The following RYR2 variants were observed in gnomAD, a reference collection of about 807,000 sequenced individuals.
The protein encoded by RYR2 is cardiac muscle ryanodine receptor-calcium release channel.
In RYR2, 227 loss-of-function variants were observed where a neutral mutation model predicts 601.1. That is an observed-to-expected ratio of 0.38 (90% CI 0.34 to 0.42). RYR2 has a LOEUF of 0.42. Ranked by LOEUF, RYR2 falls within the 10% of genes least tolerant of loss-of-function variation. The pLI is 1.00. For missense variants in RYR2, 4,646 were observed against 6,156.5 expected (o/e 0.75, Z 8.21); for synonymous variants, 2,223 against 2,175.1 (o/e 1.02, Z -0.61).
chr1:237,534,138 A>G (rs1253468774), intron 25 of RYR2, among the ~76,000 whole-genome samples: 1 of 152,092 alleles, frequency 6.6e-6, no homozygotes, highest in Admixed American at 6.5e-5. Context: ...AGAATGACAC[A>G]CTAGGCAATA....
chr1:237,077,420 G>A (rs1263199156), intron 1 of RYR2, among the ~76,000 whole-genome samples: 1 of 130,712 alleles, frequency 7.7e-6, no homozygotes, highest in Non-Finnish European at 1.7e-5. Context: ...AAAATAAAAG[G>A]ATGGAGGAAG....
intron 1 of RYR2, among the ~76,000 whole-genome samples, chr1:237,190,205 T>C (rs939038700): frequency 6.6e-6 from 1 of 152,156 alleles, no homozygotes; most frequent in Non-Finnish European, 1.5e-5. Context: ...TTTTCTATAA[T>C]GGCTGCACCA....
chr1:237,054,296 T>TCCCTTCCTC (rs112941855), intron 1 of RYR2, among the ~76,000 whole-genome samples: 1 of 115,078 alleles, frequency 8.7e-6, no homozygotes, highest in Non-Finnish European at 1.8e-5. Flanking sequence ...CCTCCCTTCC[T>TCCCTTCCTC]CCTTCCTCCC....
intron 29 of RYR2, among the ~76,000 whole-genome samples, chr1:237,586,229 A>T (rs1674509358): frequency 6.6e-6 from 1 of 152,160 alleles, no homozygotes; most frequent in Non-Finnish European, 1.5e-5. Context: ...TGCCATATTA[A>T]TTTTATCTCT....
At chr1:237,613,797 A>G (rs1678158328) in intron 36 of RYR2, among the ~76,000 whole-genome samples, 1 of 152,216 alleles carries the variant, frequency 6.6e-6, no homozygotes, top group Non-Finnish European at 1.5e-5. Context: ...TTCACATTTC[A>G]GACTTTCAGA....
intron 1 of RYR2, among the ~76,000 whole-genome samples, chr1:237,174,594 A>G (rs1313853856): frequency 6.6e-6 from 1 of 152,182 alleles, no homozygotes; most frequent in African/African-American, 2.4e-5. Context: ...CAATGGAGTG[A>G]GTGGCCATTG....
At chr1:237,163,687 G>C (rs1413618577) in intron 1 of RYR2, among the ~76,000 whole-genome samples, 3 of 152,182 alleles carry the variant, frequency 2.0e-5, no homozygotes, top group Non-Finnish European at 4.4e-5. Flanking sequence ...AGACGGAAGA[G>C]GGAGTGGAAA....
intron 2 of RYR2, among the ~76,000 whole-genome samples, chr1:237,324,332 G>A (rs575779059): frequency 2.6e-5 from 4 of 152,180 alleles, no homozygotes; most frequent in Admixed American, 1.3e-4. Context: ...TTTATCTTTC[G>A]GAGGACATAG....
At chr1:237,427,075 T>C (rs574158529) in intron 12 of RYR2, among the ~76,000 whole-genome samples, 19 of 152,184 alleles carry the variant, frequency 1.2e-4, no homozygotes, top group African/African-American at 4.3e-4. Context: ...CACTCAAATA[T>C]AATACCATTT....
intron 16 of RYR2, among the ~76,000 whole-genome samples, chr1:237,468,506 T>C (rs916620669): frequency 3.9e-5 from 6 of 152,196 alleles, no homozygotes; most frequent in Non-Finnish European, 7.3e-5. Context: ...TTAATATACA[T>C]TGTGAATCTC....
At chr1:237,520,836 G>A (rs1667014282) in intron 24 of RYR2, among the ~76,000 whole-genome samples, 1 of 152,118 alleles carries the variant, frequency 6.6e-6, no homozygotes, top group Admixed American at 6.5e-5. Context: ...AGGAGTTCCA[G>A]ACCAGCCTGG....
chr1:237,174,035 C>A (rs185378821), intron 1 of RYR2, among the ~76,000 whole-genome samples: 1 of 147,804 alleles, frequency 6.8e-6, no homozygotes, highest in Non-Finnish European at 1.5e-5. Flanking sequence ...CCAGCCTGGG[C>A]GACAGGGCAA....
chr1:237,352,575 T>G (rs1040330763), intron 3 of RYR2, among the ~76,000 whole-genome samples: 1 of 152,106 alleles, frequency 6.6e-6, no homozygotes, highest in Admixed American at 6.6e-5. Flanking sequence ...CAGGTTTTCT[T>G]TTAGTGTGCA....
Position 237,301,142 on chromosome 1 carries a change from C to A in RYR2, c.169-29736C>A, listed in dbSNP as rs150984376. Among the ~76,000 whole-genome samples, 359 of 152,082 alleles carry A rather than the reference C, an allele frequency of 2.4e-3. 4 individuals are homozygous for A. The highest frequency in any genetic ancestry group is 8.4e-3 in the African/African-American group (347 of 41,482). ...ATCTTTAAATACTGATAAATTGAAT[C>A]CAATAGTTAATTAACAGACTTTAAA... On this transcript the variant is annotated intron_variant, in intron 2 of 104. Transcript: ENST00000366574.
At chr1:237,638,526 T>C in intron 45 of RYR2, 34 bp downstream of exon 45, 1 of 1,607,330 alleles carries the variant, frequency 6.2e-7, no homozygotes, top group Non-Finnish European at 8.5e-7. Flanking sequence ...TTTTGAGTTA[T>C]CATTAAAACT....
intron 85 of RYR2, 23 bp downstream of exon 85, chr1:237,770,910 T>G: frequency 7.0e-7 from 1 of 1,431,540 alleles, no homozygotes; most frequent in South Asian, 1.2e-5. Context: ...CCGGAACTTC[T>G]GATGATACTA....
chr1:237,061,371 G>A (rs1278499873), intron 1 of RYR2, among the ~76,000 whole-genome samples: 1 of 152,056 alleles, frequency 6.6e-6, no homozygotes, highest in African/African-American at 2.4e-5. Context: ...AGGCTGGAGT[G>A]CAGTGGCACA....
At chr1:237,633,951 A>G (rs1183692723) in intron 43 of RYR2, among the ~76,000 whole-genome samples, 2 of 152,192 alleles carry the variant, frequency 1.3e-5, no homozygotes, top group Admixed American at 6.5e-5. Flanking sequence ...TATTGAAAAG[A>G]CAAAACATAA....
At chr1:237,826,352 C>T (rs1663086356) in intron 101 of RYR2, among the ~76,000 whole-genome samples, 1 of 152,164 alleles carries the variant, frequency 6.6e-6, no homozygotes, top group African/African-American at 2.4e-5. Context: ...AGGATGATTT[C>T]ATGTCCTTTG....
Sources: allele counts gnomAD v4.1 joint callset (sites outside exome capture counted in the v4.1 genomes callset), GRCh38; gene constraint gnomAD v4.1.1; transcripts MANE v1.5; gene names NCBI Gene and HGNC (gene_info 2026-07-23, HGNC 2026-07-21).